The following FAM13A variants were observed in gnomAD, a reference collection of about 807,000 sequenced individuals.
FAM13A encodes the protein protein FAM13A.
In FAM13A, 76 loss-of-function variants were observed where a neutral mutation model predicts 129.6. The observed-to-expected ratio is 0.59, with a 90% CI of 0.49 to 0.71. The LOEUF is 0.71. Ranked by LOEUF, FAM13A falls within the 30% of genes least tolerant of loss-of-function variation. The pLI, the probability that FAM13A is intolerant of heterozygous loss-of-function variation, is 0.00. For missense variants in FAM13A, 1,108 were observed against 1,249.3 expected (o/e 0.89, Z 1.70); for synonymous variants, 443 against 449.9 (o/e 0.98, Z 0.20).
chr4:89,054,063 A>C (rs769996545), intron 1 of FAM13A, among the ~76,000 whole-genome samples: 13 of 152,216 alleles, frequency 8.5e-5, no homozygotes, highest in Non-Finnish European at 1.6e-4. Flanking sequence ...TGTTACAGTA[A>C]AGCAGCTAAA....
chr4:88,787,323 G>A (rs1450116750), intron 10 of FAM13A, among the ~76,000 whole-genome samples: 1 of 151,936 alleles, frequency 6.6e-6, no homozygotes, highest in Non-Finnish European at 1.5e-5. Flanking sequence ...AGGGATATCT[G>A]ACTATTTAAT....
At chr4:88,820,626 T>A (rs1731710003) in intron 7 of FAM13A, among the ~76,000 whole-genome samples, 1 of 152,208 alleles carries the variant, frequency 6.6e-6, no homozygotes, top group African/African-American at 2.4e-5. Context: ...TGTCACTAGC[T>A]TTATAAGCGC....
chr4:88,975,223 GA>G (rs761734442), intron 4 of FAM13A, among the ~76,000 whole-genome samples: 8 of 152,132 alleles, frequency 5.3e-5, no homozygotes, highest in Non-Finnish European at 1.0e-4. Context: ...GGGCAGAGCA[GA>G]ATCCTGTTTC....
chr4:88,955,662 T>C (rs139609109), intron 4 of FAM13A, among the ~76,000 whole-genome samples: 2,323 of 152,294 alleles, frequency 0.015, 61 homozygotes, highest in African/African-American at 0.053. Context: ...GATAGTGATA[T>C]GGATAATAAA....
rs200132739 is a variant in FAM13A, at chr4:88,851,040, A to C, written c.987T>G (p.Ile329Met). 6.2e-7 allele frequency: 1 copy of C among 1,614,064 alleles called. No homozygotes were observed. Among genetic ancestry groups the C allele is most frequent in the Non-Finnish European group, 8.5e-7 (1 of 1,179,954 alleles). The change falls in exon 7 of 24, where the codon ATT becomes ATG. Residue 329 changes from isoleucine (I) to methionine (M), a missense_variant. Ile to Met is a conservative substitution (Grantham distance 10). This residue lies in a region of FAM13A where 566 missense variants were observed against 595.7 expected (regional missense o/e 0.95). Coordinates refer to ENST00000264344, the MANE Select transcript of FAM13A (RefSeq NM_014883.4). ...LEDMNSAEGA[I>M]SAKLVPSSQE... ...CCAACCTGGGTACCAACTTGGCACT[A>C]ATAGCACCCTCTGCTGAATTCATGT...
intron 4 of FAM13A, among the ~76,000 whole-genome samples, chr4:88,939,836 A>T (rs1020024533): frequency 2.2e-4 from 34 of 152,322 alleles, no homozygotes; most frequent in African/African-American, 8.2e-4. Flanking sequence ...CAGCCATAAG[A>T]ACACAGTAAG....
At chr4:88,833,267 C>T (rs80215852) in intron 7 of FAM13A, among the ~76,000 whole-genome samples, 3 of 152,160 alleles carry the variant, frequency 2.0e-5, no homozygotes, top group East Asian at 1.9e-4. Context: ...CTAATGCACA[C>T]GGGGCTTAAT....
At chr4:88,844,554 C>T (rs17014677) in intron 7 of FAM13A, among the ~76,000 whole-genome samples, 10,664 of 152,076 alleles carry the variant, frequency 0.07, 525 homozygotes, top group African/African-American at 0.14. Context: ...AAATATGACA[C>T]GTGATCGGAT....
At chr4:89,006,499 A>G (rs1765034385) in intron 3 of FAM13A, among the ~76,000 whole-genome samples, 1 of 152,166 alleles carries the variant, frequency 6.6e-6, no homozygotes, top group South Asian at 2.1e-4. Flanking sequence ...TTGTGGGAGG[A>G]GGAGCATGCA....
chr4:89,010,281 C>A (rs1218801149), intron 3 of FAM13A, among the ~76,000 whole-genome samples: 5 of 152,124 alleles, frequency 3.3e-5, no homozygotes, highest in Admixed American at 2.6e-4. Context: ...GTCTGTGTTT[C>A]CCGAGTGGTT....
rs751325049 is a variant in FAM13A, at chr4:88,805,034, T to C, written c.1026A>G (p.Arg342=). 2.2e-5 allele frequency: 34 copies of C among 1,548,702 alleles called. No homozygotes were observed. In the South Asian group the frequency reaches 2.5e-4, roughly 11 times the overall value. The change falls in exon 8 of 24, where the codon AGA becomes AGG. Residue 342 remains arginine (R), a synonymous_variant. Coordinates refer to ENST00000264344, the MANE Select transcript of FAM13A (RefSeq NM_014883.4). ...ACCTCAAATAGAAAGGTGACAGAGG[T>C]CTTTCATCTTCCTGTGAACTAAAAG... ...KLVPSSQEDE[R]PLSPFYLSAH...
At chr4:88,994,625 A>C (rs996725656) in intron 3 of FAM13A, among the ~76,000 whole-genome samples, 1 of 152,170 alleles carries the variant, frequency 6.6e-6, no homozygotes, top group Non-Finnish European at 1.5e-5. Flanking sequence ...GGACTGCTTC[A>C]GCCCAGGAGT....
At chr4:88,771,056 C>T (rs966009894) in intron 11 of FAM13A, among the ~76,000 whole-genome samples, 15 of 152,072 alleles carry the variant, frequency 9.9e-5, no homozygotes, top group African/African-American at 3.6e-4. Context: ...ACTAAAACAG[C>T]ATGCAGGTAC....
intron 16 of FAM13A, 104 bp downstream of exon 16, chr4:88,749,667 C>T (rs544584809): frequency 8.3e-7 from 1 of 1,207,054 alleles, no homozygotes; most frequent in Non-Finnish European, 1.2e-6. Context: ...TGTAAGATTC[C>T]CTAGAAGCCT....
At chr4:89,014,487 A>G (rs1057219709) in intron 3 of FAM13A, among the ~76,000 whole-genome samples, 2 of 152,218 alleles carry the variant, frequency 1.3e-5, no homozygotes, top group African/African-American at 4.8e-5. Flanking sequence ...AACCAGAATC[A>G]TGCCATCAGA....
chr4:88,886,185 T>C (rs1419465641), intron 6 of FAM13A, among the ~76,000 whole-genome samples: 2 of 152,160 alleles, frequency 1.3e-5, no homozygotes, highest in African/African-American at 2.4e-5. Flanking sequence ...CAGAGGAAGA[T>C]AAATCATTAA....
At chr4:88,859,866 G>C (rs1739197247) in intron 6 of FAM13A, among the ~76,000 whole-genome samples, 4 of 151,420 alleles carry the variant, frequency 2.6e-5, no homozygotes, top group Admixed American at 2.6e-4. Context: ...GTCCTTATTA[G>C]AGTGAGTGAT....
Position 88,725,971 on chromosome 4 carries a change from C to T in FAM13A, c.*2562G>A, listed in dbSNP as rs748548826. On this transcript the variant is annotated 3_prime_UTR_variant, in exon 24 of 24. Coordinates refer to ENST00000264344, the MANE Select transcript of FAM13A (RefSeq NM_014883.4). ...AGTACTTATGAAAATTATAAGTCTGCACTCTTTAATTCTTAAGTTTACTTA... is the reference window on the plus strand; with the variant it reads ...AGTACTTATGAAAATTATAAGTCTGTACTCTTTAATTCTTAAGTTTACTTA... The T allele has an allele frequency of 6.8e-6, 1 of 146,676 alleles. No homozygotes were observed. The highest frequency in any genetic ancestry group is 2.1e-4 in the East Asian group (1 of 4,850). The allele number at this position is 146,676 out of a possible 1,614,324, so 9.1% of individuals were successfully genotyped here.
rs536632639 is a variant in FAM13A at position 88,955,077 on chromosome 4, T to C, written c.606-16836A>G. Among the ~76,000 whole-genome samples, 8 of 152,230 alleles carry C rather than the reference T, an allele frequency of 5.3e-5. No homozygotes were observed. In the South Asian group the frequency reaches 1.5e-3, roughly 28 times the overall value. ...GAGCTTCCTTCATACCTCACCGTTT[T>C]ATAACTCTCACAAATATTTTCTTAA... On this transcript the variant is annotated intron_variant, in intron 4 of 23. Transcript: ENST00000264344.
Sources: allele counts gnomAD v4.1 joint callset (sites outside exome capture counted in the v4.1 genomes callset), GRCh38; gene constraint gnomAD v4.1.1; regional missense constraint gnomAD v4.1.1; transcripts MANE v1.5; gene names NCBI Gene and HGNC (gene_info 2026-07-23, HGNC 2026-07-21).